Variants in ADD1 observed in about 807,000 individuals in gnomAD.
ADD1 encodes adducin 1.
ADD1 carries 24 observed loss-of-function variants against 80.5 expected under a neutral mutation model. That is an observed-to-expected ratio of 0.30 (90% CI 0.22 to 0.42). The LOEUF (loss-of-function observed/expected upper bound fraction) is 0.42. Ranked by LOEUF, ADD1 falls within the 10% of genes least tolerant of loss-of-function variation. The pLI, the probability that ADD1 is intolerant of heterozygous loss-of-function variation, is 1.00. For synonymous variants in ADD1, 373 were observed against 393.8 expected (o/e 0.95, Z 0.63); for missense variants, 948 against 1,019.0 (o/e 0.93, Z 0.95).
rs1004078912 is a variant in ADD1, at chr4:2,855,178, T to C, written c.-21+11154T>C. ...TTAATTATATCTGTAGTCTTTGCCA[T>C]ATAAAGTAATATTTACAGGTTCCAG... On this transcript the variant is annotated intron_variant, in intron 1 of 15. Coordinates refer to ENST00000683351, the MANE Select transcript of ADD1 (RefSeq NM_001354761.2). The C allele has an allele frequency of 1.2e-4, 18 of 152,222 alleles. 1 individual carries two copies. The highest frequency in any genetic ancestry group is 1.2e-3 in the Admixed American group (18 of 15,276). The allele number at this position is 152,222 out of a possible 1,614,324, so 9.4% of individuals were successfully genotyped here.
intron 10 of ADD1, 66 bp from the exon 11 acceptor site, chr4:2,907,677 A>G (rs1737286536): frequency 7.6e-7 from 1 of 1,309,450 alleles, no homozygotes; most frequent in African/African-American, 1.5e-5. Context: ...TAAACTGAAT[A>G]GATTGGATGC....
chr4:2,906,098 C>T (rs1737009101), intron 10 of ADD1, among the ~76,000 whole-genome samples: 1 of 152,140 alleles, frequency 6.6e-6, no homozygotes. Context: ...CTTTCTTTTC[C>T]CCTTGTAACA....
chr4:2,915,104 G>T, intron 14 of ADD1, 64 bp downstream of exon 14: 1 of 1,506,632 alleles, frequency 6.6e-7, no homozygotes, highest in South Asian at 1.3e-5. Context: ...GAGCTTCTTT[G>T]TGGTCCAGGT....
At chr4:2,857,724 T>C (rs1728284878) in intron 1 of ADD1, among the ~76,000 whole-genome samples, 1 of 152,124 alleles carries the variant, frequency 6.6e-6, no homozygotes, top group African/African-American at 2.4e-5. Flanking sequence ...CAGTGTGAGG[T>C]TGGTTCCAAA....
Position 2,914,870 on chromosome 4 carries a change from C to T in ADD1, c.1792-14C>T. 1 of 1,602,082 alleles carries T rather than the reference C, an allele frequency of 6.2e-7. No homozygotes were observed. The highest frequency in any genetic ancestry group is 1.1e-5 in the South Asian group (1 of 89,328). On this transcript the variant is annotated splice_polypyrimidine_tract_variant and intron_variant, in intron 13 of 15. Transcript: ENST00000683351. ...GCCGGGCTCCTGCAGACCAGATGTG[C>T]CTTTCATCCACAGGGAGAGCTGGTG...
chr4:2,926,745 G>T lies in ADD1; in HGVS notation c.2047+633G>T. On this transcript the variant is annotated intron_variant, in intron 15 of 15. Coordinates refer to ENST00000683351, the MANE Select transcript of ADD1 (RefSeq NM_001354761.2). The surrounding 1 kb of genome is among the most constrained non-coding windows in gnomAD (Gnocchi z 5.0). Reference sequence around the variant, plus strand: ...TGCCTCATTCTCCTGCTTCTTTGTTGTTTATTAAGTTTTGTTTTCTGTTTA... The same window carrying T: ...TGCCTCATTCTCCTGCTTCTTTGTTTTTTATTAAGTTTTGTTTTCTGTTTA... 2 of 1,496,636 alleles carry T rather than the reference G, an allele frequency of 1.3e-6. No homozygotes were observed. Among genetic ancestry groups the T allele is most frequent in the South Asian group, 2.4e-5 (2 of 84,128 alleles). 92.7% of individuals were successfully genotyped at this position (1,496,636 alleles called of 1,614,324 possible).
In ADD1 at chr4:2,898,270, T is replaced by G; in HGVS notation, c.828T>G (p.Ile276Met). 1 of 1,614,174 alleles carries G rather than the reference T, an allele frequency of 6.2e-7. No homozygotes were observed. The highest frequency in any genetic ancestry group is 8.5e-7 in the Non-Finnish European group (1 of 1,180,036). ...TGGCTTATCATGACTACCATGGCATTCTGGTTGATGAAGAGGAAAAAGTTT... is the reference window on the plus strand; with the variant it reads ...TGGCTTATCATGACTACCATGGCATGCTGGTTGATGAAGAGGAAAAAGTTT... ...GEVAYHDYHG[I>M]LVDEEEKVLI... is the part of the protein sequence containing the mutation. Residue 276 changes from isoleucine to methionine, a missense_variant, in exon 7 of 16, where the codon ATT becomes ATG. Ile to Met is a conservative substitution (Grantham distance 10, BLOSUM62 1). Transcript: ENST00000683351.
intron 3 of ADD1, among the ~76,000 whole-genome samples, chr4:2,883,725 G>C (rs1273644038): frequency 6.6e-6 from 1 of 151,436 alleles, no homozygotes; most frequent in African/African-American, 2.4e-5. Flanking sequence ...GGGCTGCAGT[G>C]CAGTGGCGTG....
At chr4:2,911,672 T>A (rs1285096028) in intron 13 of ADD1, among the ~76,000 whole-genome samples, 1 of 152,008 alleles carries the variant, frequency 6.6e-6, no homozygotes, top group Non-Finnish European at 1.5e-5. Context: ...CCCAGGCTGG[T>A]CTCAAACTCC....
intron 9 of ADD1, chr4:2,901,955 A>G (rs906977170): frequency 1.3e-5 from 2 of 148,716 alleles, no homozygotes; most frequent in Non-Finnish European, 3.0e-5. Flanking sequence ...GGATGTCATC[A>G]TGTTGCCTAG....
intron 3 of ADD1, among the ~76,000 whole-genome samples, chr4:2,882,558 A>G (rs771878192): frequency 3.9e-5 from 6 of 152,200 alleles, no homozygotes; most frequent in Admixed American, 3.3e-4. Flanking sequence ...TAACATGACA[A>G]AGCATCAACT....
intron 2 of ADD1, among the ~76,000 whole-genome samples, chr4:2,880,473 T>TC (rs1408747403): frequency 4.5e-4 from 54 of 118,968 alleles, no homozygotes; most frequent in African/African-American, 1.8e-3. Context: ...CTTTTTTTTT[T>TC]TTTTTTTTTT....
intron 1 of ADD1, among the ~76,000 whole-genome samples, chr4:2,868,955 C>G (rs1577483409): frequency 1.3e-5 from 2 of 152,208 alleles, no homozygotes; most frequent in Non-Finnish European, 2.9e-5. Flanking sequence ...ATGTGGAACA[C>G]CTGCTGGGTG....
chr4:2,913,480 C>A (rs1738425786), intron 13 of ADD1, among the ~76,000 whole-genome samples: 1 of 152,206 alleles, frequency 6.6e-6, no homozygotes, highest in Non-Finnish European at 1.5e-5. Flanking sequence ...AACGAAAAGC[C>A]AATGGGCCTC....
chr4:2,908,622 C>G lies in ADD1; in HGVS notation c.1698+18C>G, dbSNP rs2109083674. On this transcript the variant is annotated intron_variant, in intron 12 of 15. Coordinates refer to ENST00000683351, the MANE Select transcript of ADD1 (RefSeq NM_001354761.2). The stretch of plus-strand genomic sequence containing the variant: ...TCGTCCAGGTGAGAGCCCAGAGTGT[C>G]TCTGACTTTAGTGGGTGGTGGCTGT... The G allele has an allele frequency of 1.2e-6, 2 of 1,608,654 alleles. No homozygotes were observed. Among genetic ancestry groups the G allele is most frequent in the Admixed American group, 3.3e-5 (2 of 59,978 alleles).
intron 1 of ADD1, among the ~76,000 whole-genome samples, chr4:2,851,697 A>C (rs1325696685): frequency 6.6e-6 from 1 of 152,180 alleles, no homozygotes; most frequent in Non-Finnish European, 1.5e-5. Context: ...TTCAGGCAGG[A>C]AGGAAGGTTA....
Position 2,928,766 on chromosome 4 carries a change from C to T in ADD1, c.*243C>T, listed in dbSNP as rs944970840. The T allele has an allele frequency of 9.8e-6, 5 of 510,618 alleles. No homozygotes were observed. The highest frequency in any genetic ancestry group is 4.0e-5 in the African/African-American group (2 of 49,726). 31.6% of individuals were successfully genotyped at this position (510,618 alleles called of 1,614,324 possible). On this transcript the variant is annotated 3_prime_UTR_variant, in exon 16 of 16. Transcript: ENST00000683351. ...TTCTGGGGGAGACATGCTCTCCCCA[C>T]AGGGGGGAGGCACTAAGTCATGGTC...
intron 10 of ADD1, among the ~76,000 whole-genome samples, chr4:2,906,127 T>A (rs1482161619): frequency 6.6e-6 from 1 of 152,150 alleles, no homozygotes; most frequent in Non-Finnish European, 1.5e-5. Context: ...CTTTATAGAT[T>A]TATTTAAAGA....
intron 1 of ADD1, among the ~76,000 whole-genome samples, chr4:2,852,077 C>T (rs981624845): frequency 7.2e-5 from 11 of 152,120 alleles, no homozygotes; most frequent in Non-Finnish European, 1.3e-4. Context: ...CTCAGGTGAT[C>T]TGCCCGCCTC....
Sources: gnomAD v4.1 joint callset for allele counts (sites outside exome capture counted in the v4.1 genomes callset) on GRCh38, gnomAD v4.1.1 for gene constraint, Gnocchi (gnomAD v3.1) non-coding constraint, MANE v1.5 for transcripts, NCBI Gene and HGNC (gene_info 2026-07-23, HGNC 2026-07-21) for gene names.